APELA: variants seen among roughly 807,000 people sequenced by gnomAD.
The protein encoded by APELA is protein Elabela.
chr4:164,892,726 G>A (rs1191916006), intron 2 of APELA, among the ~76,000 whole-genome samples: 1 of 152,190 alleles, frequency 6.6e-6, no homozygotes, highest in African/African-American at 2.4e-5. Context: ...GGATTCACCA[G>A]TGAAGCCATG....
chr4:164,879,815 A>G (rs1333016871), intron 2 of APELA, among the ~76,000 whole-genome samples: 1 of 152,218 alleles, frequency 6.6e-6, no homozygotes, highest in Non-Finnish European at 1.5e-5. Flanking sequence ...TAATAGATAA[A>G]GTAAAGTTAA....
At chr4:164,884,165 G>GAAAGAAAGAA (rs1560858173) in intron 2 of APELA, among the ~76,000 whole-genome samples, 60 of 123,128 alleles carry the variant, frequency 4.9e-4, no homozygotes, top group African/African-American at 2.0e-3. Flanking sequence ...GAAAGGAGAA[G>GAAAGAAAGAA]AGAAAGAAAG....
chr4:164,877,537 G>A (rs1006990575), intron 1 of APELA, 130 bp downstream of exon 1: 3 of 396,330 alleles, frequency 7.6e-6, no homozygotes, highest in Non-Finnish European at 1.3e-5. Context: ...GGATAAATGT[G>A]TAGGATTTTG....
intron 2 of APELA, among the ~76,000 whole-genome samples, chr4:164,883,263 A>G (rs937758919): frequency 6.6e-6 from 1 of 152,186 alleles, no homozygotes; most frequent in Non-Finnish European, 1.5e-5. Flanking sequence ...CTCTCTGGGA[A>G]GAACTCTTCT....
chr4:164,898,634 G>T (rs1206753624), downstream of APELA: 2 of 152,180 alleles, frequency 1.3e-5, no homozygotes, highest in Non-Finnish European at 2.9e-5. Context: ...TGGATCCCAG[G>T]GTTGAGTCAG....
At chr4:164,898,827 G>A (rs1409246846), downstream of APELA, 4 of 152,156 alleles carry the variant, frequency 2.6e-5, no homozygotes, top group Non-Finnish European at 4.4e-5. Flanking sequence ...GTCCCGTCCT[G>A]AATCATTTTT....
intron 2 of APELA, among the ~76,000 whole-genome samples, chr4:164,880,140 C>T (rs1012647989): frequency 1.3e-5 from 2 of 152,180 alleles, no homozygotes; most frequent in African/African-American, 4.8e-5. Flanking sequence ...GGTTAACATA[C>T]ACAGGCAATG....
At chr4:164,877,828 A>G (rs1294502490) in intron 1 of APELA, among the ~76,000 whole-genome samples, 1 of 152,234 alleles carries the variant, frequency 6.6e-6, no homozygotes, top group East Asian at 1.9e-4. Context: ...GAATTAACAT[A>G]CAAAAAGCAT....
intron 2 of APELA, among the ~76,000 whole-genome samples, chr4:164,887,773 A>C (rs540107088): frequency 6.6e-6 from 1 of 152,074 alleles, no homozygotes; most frequent in African/African-American, 2.4e-5. Context: ...CACCATGCCC[A>C]GCTAATTTTT....
chr4:164,877,535 G>A (rs889965901), intron 1 of APELA, 128 bp downstream of exon 1: 1 of 396,502 alleles, frequency 2.5e-6, no homozygotes, highest in African/African-American at 2.1e-5. Context: ...GGGGATAAAT[G>A]TGTAGGATTT....
chr4:164,882,090 G>C (rs1312410086), intron 2 of APELA, among the ~76,000 whole-genome samples: 1 of 151,720 alleles, frequency 6.6e-6, no homozygotes. Flanking sequence ...TACTCTACTA[G>C]CTTTTTTTTT....
At chr4:164,879,853 T>C (rs1459404757) in intron 2 of APELA, among the ~76,000 whole-genome samples, 2 of 152,256 alleles carry the variant, frequency 1.3e-5, no homozygotes. Flanking sequence ...CTTTCCAGCC[T>C]CACCAATAGT....
intron 2 of APELA, among the ~76,000 whole-genome samples, chr4:164,881,141 T>A (rs1340120919): frequency 2.0e-5 from 3 of 152,220 alleles, no homozygotes; most frequent in African/African-American, 7.2e-5. Context: ...CTAAATACTT[T>A]CCCATTTTTT....
chr4:164,898,172 T>C (rs1226867229), downstream of APELA, among the ~76,000 whole-genome samples: 1 of 150,768 alleles, frequency 6.6e-6, no homozygotes, highest in African/African-American at 2.4e-5. Flanking sequence ...ATTACAGGCG[T>C]GAGCCACTGC....
At position 164,879,213 on chromosome 4, in the gene APELA, A is replaced by G. The variant is rs1052304388; in HGVS notation, c.*1+204A>G. ...TTTAATAGTTAAGGAAGAAAATTAG[A>G]CAGATGAGGACAATGTAGGAAAATC... On this transcript the variant is annotated intron_variant, in intron 2 of 2. Coordinates refer to ENST00000507152, the MANE Select transcript of APELA (RefSeq NM_001297550.2). The G allele has an allele frequency of 1.3e-5, 5 of 370,986 alleles. No homozygotes were observed. In the East Asian group the frequency reaches 1.9e-4, roughly 14 times the overall value. The allele number at this position is 370,986 out of a possible 1,614,324, so 23.0% of individuals were successfully genotyped here.
chr4:164,895,034 A>G (rs1008005321), intron 2 of APELA, among the ~76,000 whole-genome samples: 2 of 152,144 alleles, frequency 1.3e-5, no homozygotes, highest in Non-Finnish European at 2.9e-5. Context: ...GGGTCCCAAA[A>G]GAAACTACCT....
Position 164,887,754 on chromosome 4 carries a change from A to T in APELA, c.*2-7662A>T, listed in dbSNP as rs4423831. Among the ~76,000 whole-genome samples the T allele has an allele frequency of 2.0e-5, 3 of 151,548 alleles. No individual in the cohort carries two copies. The East Asian group carries it at 5.8e-4, about 29-fold the overall frequency. On this transcript the variant is annotated intron_variant, in intron 2 of 2. Coordinates refer to ENST00000507152, the MANE Select transcript of APELA (RefSeq NM_001297550.2). ...AGCCTCCTGAGTAGCTGGGATTACA[A>T]GCATGCGCCACCATGCCCAGCTAAT...
At chr4:164,897,795 C>T (rs1197731683), downstream of APELA, among the ~76,000 whole-genome samples, 1 of 152,210 alleles carries the variant, frequency 6.6e-6, no homozygotes, top group African/African-American at 2.4e-5. Context: ...AGGTCCTTGA[C>T]ATACAGCTAT....
At chr4:164,885,740 C>CA (rs796462065) in intron 2 of APELA, among the ~76,000 whole-genome samples, 104 of 139,058 alleles carry the variant, frequency 7.5e-4, no homozygotes, top group East Asian at 1.0e-3. Flanking sequence ...GACCATGTCT[C>CA]AAAAAAAAAA....
Sources: gnomAD v4.1 joint callset for allele counts (sites outside exome capture counted in the v4.1 genomes callset) on GRCh38, gnomAD v4.1.1 for gene constraint, MANE v1.5 for transcripts, NCBI Gene and HGNC (gene_info 2026-07-23, HGNC 2026-07-21) for gene names.